PPL: variants seen among roughly 807,000 people sequenced by gnomAD.
PPL encodes 190 kDa paraneoplastic pemphigus antigen.
A neutral mutation model predicts 194.4 loss-of-function variants in PPL; 198 were observed. That is an observed-to-expected ratio of 1.02 (90% CI 0.91 to 1.15). The LOEUF (loss-of-function observed/expected upper bound fraction) is 1.15, where lower values mean the gene tolerates loss of function less well. Among genes scored for constraint, PPL ranks in the 50% most tolerant of loss-of-function variants. The pLI is 0.00. For missense variants in PPL, 2,885 were observed against 2,294.8 expected, an observed-to-expected ratio of 1.26 and a Z score of -5.25; for synonymous variants, 1,220 against 972.4, an observed-to-expected ratio of 1.25 and a Z score of -4.74.
rs1215050804 is a variant in PPL, at chr16:4,891,067, C to T, written c.1969-146G>A. 15 of 630,838 alleles carry T rather than the reference C, an allele frequency of 2.4e-5. No individual in the cohort carries two copies. In the East Asian group the frequency reaches 4.7e-4, roughly 20 times the overall value. 39.1% of individuals were successfully genotyped at this position (630,838 alleles called of 1,614,324 possible). On this transcript the variant is annotated intron_variant, in intron 16 of 21. Transcript: ENST00000345988. ...AGGACCGGAGCCTTGCTCTGTACAT[C>T]CCAAACCTGGGTCACTTCTGCCATC...
At chr16:4,910,997 G>C (rs1306638906) in intron 1 of PPL, 48 bp from the exon 2 acceptor site, 1 of 1,509,834 alleles carries the variant, frequency 6.6e-7, no homozygotes, top group East Asian at 2.3e-5. Context: ...TGGTGGGTGG[G>C]GGCTATGTCC....
At chr16:4,923,057 G>C (rs539508165) in intron 1 of PPL, among the ~76,000 whole-genome samples, 1 of 152,252 alleles carries the variant, frequency 6.6e-6, no homozygotes, top group African/African-American at 2.4e-5. Context: ...CAGTAGGTTT[G>C]GGGATTTGAA....
rs552924573 is a variant in PPL, at chr16:4,888,209, A to C, written c.2407T>G (p.Leu803Val). 1.7e-5 allele frequency: 28 copies of C among 1,604,644 alleles called. No homozygotes were observed. The East Asian group carries it at 6.0e-4, about 35-fold the overall frequency. ...QYQQAVKDYE[L>V]EAEKLRSLLD... The stretch of plus-strand genomic sequence containing the variant: ...AGAGACCTTAGTTTTTCTGCTTCTA[A>C]CTCATAGTCCTGCATGAGGGAGAGA... Residue 803 changes from leucine (L) to valine (V), a missense_variant, in exon 20 of 22, where the codon TTA (leucine) becomes GTA (valine). By Grantham distance (32) the Leu-to-Val change is conservative. Transcript: ENST00000345988.
Position 4,889,224 on chromosome 16 carries a change from G to GTTT in PPL, c.2314-166_2314-164dup, listed in dbSNP as rs34820925. 1.4e-4 allele frequency among the ~76,000 whole-genome samples: 9 copies of GTTT among 64,678 alleles called. No individual in the cohort carries two copies. The South Asian group carries it at 2.8e-3, about 20-fold the overall frequency. 42.4% of individuals were successfully genotyped at this position (64,678 alleles called of 152,430 possible). A position where few individuals can be genotyped will look rare whatever the true frequency, so the allele number is the denominator to read the frequency against. Reference sequence around the variant, plus strand: ...ACATTTTTATTCATTGCAAAAGGCAGTTTTTTTGTTGTTGTTGTTTTTTTT... The same window carrying GTTT: ...ACATTTTTATTCATTGCAAAAGGCAGTTTTTTTTTTGTTGTTGTTGTTTTTTTT... On this transcript the variant is annotated intron_variant, in intron 18 of 21. Coordinates refer to ENST00000345988, the MANE Select transcript of PPL (RefSeq NM_002705.5).
intron 1 of PPL, among the ~76,000 whole-genome samples, chr16:4,914,125 T>C (rs1480849163): frequency 2.0e-5 from 3 of 152,124 alleles, no homozygotes; most frequent in African/African-American, 4.8e-5. Flanking sequence ...AAGGCTCCAA[T>C]GAGGACACGC....
At chr16:4,912,588 T>G (rs1165564014) in intron 1 of PPL, among the ~76,000 whole-genome samples, 1 of 152,288 alleles carries the variant, frequency 6.6e-6, no homozygotes. Context: ...CTCGTTTTAT[T>G]TTAGAGTTAA....
chr16:4,933,385 G>A (rs965198141), intron 1 of PPL, among the ~76,000 whole-genome samples: 1 of 152,158 alleles, frequency 6.6e-6, no homozygotes, highest in African/African-American at 2.4e-5. Context: ...GGAGGGGCAA[G>A]ATTAATCCCA....
At chr16:4,936,921 C>T (rs1206671415) in intron 1 of PPL, 63 bp downstream of exon 1, 10 of 1,507,030 alleles carry the variant, frequency 6.6e-6, no homozygotes, top group Admixed American at 1.9e-5. Context: ...GGGAGGTCTT[C>T]CAGGTCCTGT....
chr16:4,884,154 G>C lies in PPL; in HGVS notation c.4501C>G (p.Leu1501Val). The C allele has an allele frequency of 6.2e-7, 1 of 1,613,806 alleles. No homozygotes were observed. The highest frequency in any genetic ancestry group is 8.5e-7 in the Non-Finnish European group (1 of 1,179,982). Residue 1501 changes from leucine to valine, a missense_variant, in exon 22 of 22, where the codon CTC becomes GTC. Physicochemically the swap from Leu to Val is conservative, Grantham distance 32. Transcript: ENST00000345988. The surrounding 1 kb of genome is among the most constrained non-coding windows in gnomAD (Gnocchi z 5.7). ...TTCTCCACCTGGACACTCTCGGAGA[G>C]CACCACCTTCTCCTTGACCTCCGCC... The part of the protein sequence containing the change: ...EKAEVKEKVV[L>V]SESVQVEKGD...
chr16:4,916,267 C>A (rs2088914674), intron 1 of PPL, among the ~76,000 whole-genome samples: 1 of 152,030 alleles, frequency 6.6e-6, no homozygotes, highest in African/African-American at 2.4e-5. Context: ...GGCTGGAGTG[C>A]ACTGGCATGA....
At chr16:4,923,019 G>C (rs899723609) in intron 1 of PPL, among the ~76,000 whole-genome samples, 1 of 152,224 alleles carries the variant, frequency 6.6e-6, no homozygotes, top group Non-Finnish European at 1.5e-5. Flanking sequence ...CGCTTCAGCT[G>C]TCTTGGGTTT....
In PPL at chr16:4,883,820, AGTCTGGAGTCATGGTTG is replaced by A. The variant is rs747444528; in HGVS notation, c.4818_4834del (p.Asn1607ValfsTer9). On this transcript the variant is annotated frameshift_variant, in exon 22 of 22. Coordinates refer to ENST00000345988, the MANE Select transcript of PPL (RefSeq NM_002705.5). LOFTEE classifies it high-confidence loss of function. The surrounding 1 kb of genome is among the most constrained non-coding windows in gnomAD (Gnocchi z 4.8). ...ATCCAGTTCCCTCTCCAGGGACCAC[AGTCTGGAGTCATGGTTG>A]GTCCCAGAGTCCGCCACGGTCATGT... is the stretch of plus-strand genomic sequence containing the variant. The A allele has an allele frequency of 1.9e-6, 3 of 1,613,928 alleles. No individual in the cohort carries two copies. In the South Asian group the frequency reaches 3.3e-5, roughly 18 times the overall value.
chr16:4,890,191 T>C lies in PPL; in HGVS notation c.2306A>G (p.Asn769Ser), dbSNP rs2088292467. ...SLSQMETKLK[N>S]QKNLLDEIAS... Reference sequence around the variant, plus strand: ...CGGAAACGGCCATCTCACCTTCTGGTTCTTCAGCTTGGTCTCCATCTGGCT... The same window carrying C: ...CGGAAACGGCCATCTCACCTTCTGGCTCTTCAGCTTGGTCTCCATCTGGCT... Residue 769 changes from asparagine (N) to serine (S), a missense_variant, in exon 18 of 22, where the codon AAC (asparagine) becomes AGC (serine). Asn to Ser is a conservative substitution (Grantham distance 46). Coordinates refer to ENST00000345988, the MANE Select transcript of PPL (RefSeq NM_002705.5). 3 of 1,614,062 alleles carry C rather than the reference T, an allele frequency of 1.9e-6. No individual in the cohort carries two copies. Among genetic ancestry groups the C allele is most frequent in the African/African-American group, 2.7e-5 (2 of 74,928 alleles).
chr16:4,893,703 G>C, intron 12 of PPL, 65 bp from the exon 13 acceptor site: 2 of 1,365,204 alleles, frequency 1.5e-6, no homozygotes, highest in Non-Finnish European at 2.0e-6. Context: ...ACAGAGGCGG[G>C]ACTGCGGACT....
chr16:4,922,641 G>A (rs1420466284), intron 1 of PPL, among the ~76,000 whole-genome samples: 1 of 152,086 alleles, frequency 6.6e-6, no homozygotes, highest in East Asian at 1.9e-4. Flanking sequence ...CAGCCTGGGT[G>A]ACAGAGCAAG....
chr16:4,885,379 G>A lies in PPL; in HGVS notation c.3276C>T (p.Ser1092=), dbSNP rs762996500. 1.2e-6 allele frequency: 2 copies of A among 1,612,888 alleles called. No individual in the cohort carries two copies. Among genetic ancestry groups the A allele is most frequent in the Non-Finnish European group, 1.7e-6 (2 of 1,179,960 alleles). ...QLREKQEEEL[S]FLQDKLKRLE... ...GCCTCTTGAGCTTGTCCTGGAGGAA[G>A]CTCAGCTCCTCCTCCTGCTTCTCCC... Residue 1092 remains serine, a synonymous_variant, in exon 22 of 22, where the codon AGC becomes AGT. Coordinates refer to ENST00000345988, the MANE Select transcript of PPL (RefSeq NM_002705.5). This position sits in a 1 kb window ranked among gnomAD's most constrained non-coding sequence, Gnocchi z 6.3.
chr16:4,905,421 TG>T (rs2088662774), intron 2 of PPL, among the ~76,000 whole-genome samples: 1 of 152,060 alleles, frequency 6.6e-6, no homozygotes, highest in African/African-American at 2.4e-5. Context: ...GTCTCTTAAG[TG>T]GTTGCCTGGG....
Position 4,888,998 on chromosome 16 carries a change from G to A in PPL, c.2377C>T (p.Gln793Ter). ...CTCACCTTTACAGCTTGCTGGTACTGCTGGGAATTGGCACAGATCTTCTGT... is the reference window on the plus strand; with the variant it reads ...CTCACCTTTACAGCTTGCTGGTACTACTGGGAATTGGCACAGATCTTCTGT... The part of the protein sequence containing the change: ...EVQKICANSQ[Q>*]YQQAVKDYEL... The change falls in exon 19 of 22, where the codon CAG becomes TAG. Residue 793 changes from glutamine (Q) to a stop codon, truncating the protein, a stop_gained. Transcript: ENST00000345988. LOFTEE classifies it high-confidence loss of function. The A allele has an allele frequency of 6.2e-7, 1 of 1,613,462 alleles. No homozygotes were observed. Among genetic ancestry groups the A allele is most frequent in the Non-Finnish European group, 8.5e-7 (1 of 1,179,856 alleles).
chr16:4,917,228 A>T (rs146990614), intron 1 of PPL, among the ~76,000 whole-genome samples: 8 of 152,342 alleles, frequency 5.3e-5, no homozygotes, highest in African/African-American at 1.9e-4. Context: ...CATGATTCAT[A>T]ATAGCCTTTT....
Sources: gnomAD v4.1 joint callset for allele counts (sites outside exome capture counted in the v4.1 genomes callset) on GRCh38, gnomAD v4.1.1 for gene constraint, Gnocchi (gnomAD v3.1) non-coding constraint, MANE v1.5 for transcripts, NCBI Gene and HGNC (gene_info 2026-07-23, HGNC 2026-07-21) for gene names.